THUMPD2: variants seen among roughly 807,000 people sequenced by gnomAD.
The protein encoded by THUMPD2 is U6 snRNA (guanine-N(2))-methyltransferase THUMPD2.
Under a neutral mutation model 49.4 loss-of-function variants are expected in THUMPD2, and 56 were observed. That is an observed-to-expected ratio of 1.13 (90% CI 0.91 to 1.41). The LOEUF (loss-of-function observed/expected upper bound fraction) is 1.41, where lower values mean the gene tolerates loss of function less well. THUMPD2 is among the 40% of genes most tolerant of loss of function. THUMPD2 has a pLI of 0.00. For synonymous variants in THUMPD2, 237 were observed against 205.2 expected, an observed-to-expected ratio of 1.15 and a Z score of -1.32; for missense variants, 709 against 594.5, an observed-to-expected ratio of 1.19 and a Z score of -2.00.
At chr2:39,741,402 G>A (rs1465501592) in intron 9 of THUMPD2, among the ~76,000 whole-genome samples, 1 of 152,190 alleles carries the variant, frequency 6.6e-6, no homozygotes, top group Non-Finnish European at 1.5e-5. Flanking sequence ...TAAACATGAT[G>A]TGGTCTCCTT....
intron 8 of THUMPD2, 31 bp from the exon 9 acceptor site, chr2:39,744,509 C>T (rs753206015): frequency 7.4e-7 from 1 of 1,347,526 alleles, no homozygotes; most frequent in South Asian, 1.4e-5. Flanking sequence ...AATCCTATTA[C>T]AGTAGGGTCA....
At chr2:39,744,809 A>G (rs2148192100) in intron 8 of THUMPD2, among the ~76,000 whole-genome samples, 1 of 152,270 alleles carries the variant, frequency 6.6e-6, no homozygotes, top group Non-Finnish European at 1.5e-5. Context: ...GCCTAGAAAA[A>G]TCTTCCACAA....
intron 9 of THUMPD2, among the ~76,000 whole-genome samples, chr2:39,743,548 A>G (rs1349206819): frequency 1.3e-5 from 2 of 152,190 alleles, no homozygotes; most frequent in Non-Finnish European, 2.9e-5. Context: ...ATGTGGGTAG[A>G]TATCTCATGA....
At chr2:39,739,848 T>C (rs1385793534) in intron 9 of THUMPD2, among the ~76,000 whole-genome samples, 1 of 152,220 alleles carries the variant, frequency 6.6e-6, no homozygotes, top group East Asian at 1.9e-4. Context: ...ATGAGTACTC[T>C]TGAAGACAGA....
chr2:39,757,269 G>A, intron 6 of THUMPD2: 2 of 677,264 alleles, frequency 3.0e-6, no homozygotes, highest in Non-Finnish European at 4.8e-6. Context: ...GCCCAGTCGT[G>A]CTCGAGATAG....
intron 5 of THUMPD2, among the ~76,000 whole-genome samples, chr2:39,762,895 G>A (rs1677009201): frequency 6.6e-6 from 1 of 151,648 alleles, no homozygotes; most frequent in Non-Finnish European, 1.5e-5. Flanking sequence ...CAAAAACTAT[G>A]TATATATTTC....
intron 6 of THUMPD2, among the ~76,000 whole-genome samples, chr2:39,760,881 G>A (rs1676732710): frequency 6.6e-6 from 1 of 152,086 alleles, no homozygotes; most frequent in Non-Finnish European, 1.5e-5. Context: ...AATACAATAT[G>A]AGATTTCAAA....
chr2:39,779,050 G>A (rs1679510752), intron 1 of THUMPD2, 64 bp downstream of exon 1: 2 of 1,389,948 alleles, frequency 1.4e-6, no homozygotes, highest in African/African-American at 1.5e-5. Context: ...TCCACGACTG[G>A]GGTGGGCAAC....
intron 1 of THUMPD2, 83 bp from the exon 2 acceptor site, chr2:39,771,723 TTAAAAA>T (rs1678344274): frequency 1.5e-6 from 2 of 1,374,090 alleles, no homozygotes; most frequent in African/African-American, 1.5e-5. Context: ...AGCATCTAAA[TTAAAAA>T]TAAAAATAAC....
intron 8 of THUMPD2, among the ~76,000 whole-genome samples, chr2:39,751,681 A>ATT (rs11284104): frequency 0.37 from 43,794 of 119,924 alleles, 8,903 homozygotes; most frequent in East Asian, 0.7. Context: ...ATATTAAAAG[A>ATT]TTTTTTTTTT....
chr2:39,767,483 A>C (rs1216047086), intron 4 of THUMPD2, among the ~76,000 whole-genome samples: 1 of 149,378 alleles, frequency 6.7e-6, no homozygotes, highest in Non-Finnish European at 1.5e-5. Flanking sequence ...GGGCGCCTGT[A>C]GTCCCAGCTA....
chr2:39,759,727 C>T (rs1313649527), intron 6 of THUMPD2, among the ~76,000 whole-genome samples: 1 of 152,100 alleles, frequency 6.6e-6, no homozygotes, highest in Non-Finnish European at 1.5e-5. Flanking sequence ...ATCTGTGTCA[C>T]CGGAAGCTAA....
At chr2:39,741,948 GGTAA>G (rs1450733420) in intron 9 of THUMPD2, among the ~76,000 whole-genome samples, 2 of 152,038 alleles carry the variant, frequency 1.3e-5, no homozygotes, top group Non-Finnish European at 2.9e-5. Context: ...TAAAAAATCA[GGTAA>G]GTGATAACAG....
intron 2 of THUMPD2, among the ~76,000 whole-genome samples, chr2:39,770,648 T>C (rs1558537439): frequency 6.6e-6 from 1 of 152,094 alleles, no homozygotes; most frequent in Non-Finnish European, 1.5e-5. Flanking sequence ...GCCAGTATGC[T>C]CAGCAAAGTT....
intron 9 of THUMPD2, among the ~76,000 whole-genome samples, chr2:39,739,344 C>A (rs1673580314): frequency 6.6e-6 from 1 of 152,176 alleles, no homozygotes; most frequent in South Asian, 2.1e-4. Context: ...CACCTTAGGA[C>A]ATTTGGAATT....
intron 5 of THUMPD2, 21 bp downstream of exon 5, chr2:39,766,036 C>A (rs1677466749): frequency 6.4e-7 from 1 of 1,564,586 alleles, no homozygotes; most frequent in African/African-American, 1.4e-5. Flanking sequence ...ATGGGACAAA[C>A]CGGAAGCTTA....
chr2:39,758,849 A>G (rs1676464103), intron 6 of THUMPD2, among the ~76,000 whole-genome samples: 1 of 152,176 alleles, frequency 6.6e-6, no homozygotes, highest in African/African-American at 2.4e-5. Flanking sequence ...AATAATCGGA[A>G]CACACACCCA....
rs554360684 is a variant in THUMPD2, at chr2:39,755,432, A to T, written c.964-23T>A. ...ATCCTATGGGGAAATAAATATTTTAAGCATAAATAAAATTATTACATATTT... is the reference window on the plus strand; with the variant it reads ...ATCCTATGGGGAAATAAATATTTTATGCATAAATAAAATTATTACATATTT... On this transcript the variant is annotated intron_variant, in intron 7 of 9. Transcript: ENST00000505747. 28 of 1,436,004 alleles carry T rather than the reference A, an allele frequency of 1.9e-5. No individual in the cohort carries two copies. In the South Asian group the frequency reaches 3.2e-4, roughly 17 times the overall value. The allele number at this position is 1,436,004 out of a possible 1,614,324, so 89.0% of individuals were successfully genotyped here. A position where few individuals can be genotyped will look rare whatever the true frequency, so the allele number is the denominator to read the frequency against.
chr2:39,744,561 G>T (rs906334428), intron 8 of THUMPD2, 83 bp from the exon 9 acceptor site: 7 of 861,238 alleles, frequency 8.1e-6, no homozygotes, highest in East Asian at 3.0e-5. Context: ...AAGTACACAG[G>T]ATTATTTTTG....
Sources: gnomAD v4.1 joint callset for allele counts (sites outside exome capture counted in the v4.1 genomes callset) on GRCh38, gnomAD v4.1.1 for gene constraint, MANE v1.5 for transcripts, NCBI Gene and HGNC (gene_info 2026-07-23, HGNC 2026-07-21) for gene names.